The following PIBF1 variants were observed in gnomAD, a reference collection of about 807,000 sequenced individuals.
PIBF1 encodes progesterone immunomodulatory binding factor 1, also known as progesterone-induced-blocking factor 1.
A neutral mutation model predicts 112.5 loss-of-function variants in PIBF1; 90 were observed. The observed-to-expected ratio is 0.80, with a 90% CI of 0.67 to 0.95. PIBF1 has a LOEUF of 0.95. PIBF1 is among the 40% of genes least tolerant of loss of function. The pLI is 0.00. For missense variants in PIBF1, 915 were observed against 852.3 expected (o/e 1.07, Z -0.92); for synonymous variants, 301 against 288.6 (o/e 1.04, Z -0.44).
intron 13 of PIBF1, 106 bp from the exon 14 acceptor site, chr13:72,931,059 A>T: frequency 1.5e-6 from 1 of 665,570 alleles, no homozygotes; most frequent in Non-Finnish European, 2.6e-6. Context: ...TTAATATTTA[A>T]GTATAATTAG....
chr13:72,908,676 C>A lies in PIBF1; in HGVS notation c.1634C>A (p.Ala545Glu). Reference sequence around the variant, plus strand: ...CTTGATGAAATAATAATGCAAACTGCAGAAAGTAAGTCTTCCCCCACACAC... The same window carrying A: ...CTTGATGAAATAATAATGCAAACTGAAGAAAGTAAGTCTTCCCCCACACAC... The part of the protein sequence containing the change: ...KELDEIIMQT[A>E]EIENEDEAER... The change falls in exon 12 of 18, where the codon GCA (alanine) becomes GAA (glutamate). Residue 545 changes from alanine to glutamate, a missense_variant. By Grantham distance (107) the Ala-to-Glu change is moderately radical. Coordinates refer to ENST00000326291, the MANE Select transcript of PIBF1 (RefSeq NM_006346.4). 1.2e-6 allele frequency: 2 copies of A among 1,608,870 alleles called. No homozygotes were observed. The highest frequency in any genetic ancestry group is 1.7e-6 in the Non-Finnish European group (2 of 1,178,014).
chr13:72,849,825 C>T (rs967395229), intron 9 of PIBF1, among the ~76,000 whole-genome samples: 5 of 152,156 alleles, frequency 3.3e-5, no homozygotes, highest in African/African-American at 7.2e-5. Context: ...TCCTGTGTGA[C>T]TTTAAGCTAA....
intron 11 of PIBF1, among the ~76,000 whole-genome samples, chr13:72,899,901 G>A (rs1447023133): frequency 6.6e-6 from 1 of 152,124 alleles, no homozygotes; most frequent in Admixed American, 6.6e-5. Context: ...AAACAATTCA[G>A]CAAAGTTTCC....
chr13:72,995,389 A>G (rs1053846273), intron 16 of PIBF1, among the ~76,000 whole-genome samples: 2 of 152,192 alleles, frequency 1.3e-5, no homozygotes, highest in South Asian at 2.1e-4. Context: ...AGAAAAATAC[A>G]TCATTCATTA....
intron 13 of PIBF1, among the ~76,000 whole-genome samples, chr13:72,919,858 AC>A (rs1594197537): frequency 6.6e-6 from 1 of 152,078 alleles, no homozygotes; most frequent in Non-Finnish European, 1.5e-5. Context: ...AGTCCCAGCT[AC>A]CCTGCTCAGG....
chr13:72,959,375 G>A (rs1000359901), intron 14 of PIBF1, among the ~76,000 whole-genome samples: 3 of 152,068 alleles, frequency 2.0e-5, no homozygotes, highest in Middle Eastern at 3.4e-3. Flanking sequence ...CCCCCCTATC[G>A]GACCTCAAGC....
At chr13:72,864,664 G>C (rs2038849175) in intron 10 of PIBF1, among the ~76,000 whole-genome samples, 1 of 152,054 alleles carries the variant, frequency 6.6e-6, no homozygotes, top group African/African-American at 2.4e-5. Context: ...TCCAAAAAAA[G>C]ACGTATGAAA....
chr13:72,985,952 A>G (rs1216170199), intron 16 of PIBF1, among the ~76,000 whole-genome samples: 1 of 152,044 alleles, frequency 6.6e-6, no homozygotes, highest in Non-Finnish European at 1.5e-5. Flanking sequence ...GGAGTTGTGT[A>G]CTAGCCTGGT....
chr13:72,980,122 C>T (rs1410992017), intron 16 of PIBF1, among the ~76,000 whole-genome samples: 2 of 151,936 alleles, frequency 1.3e-5, no homozygotes, highest in African/African-American at 4.8e-5. Context: ...GATATATACA[C>T]TAGAGAGTTG....
chr13:72,925,627 C>T (rs1335609511), intron 13 of PIBF1, among the ~76,000 whole-genome samples: 2 of 148,036 alleles, frequency 1.4e-5, no homozygotes, highest in Non-Finnish European at 3.0e-5. Context: ...CTGCAAGCTC[C>T]GCCTCCCGGG....
chr13:72,844,509 C>A (rs796950273), intron 9 of PIBF1, among the ~76,000 whole-genome samples: 24 of 151,902 alleles, frequency 1.6e-4, no homozygotes, highest in African/African-American at 5.8e-4. Flanking sequence ...CCCAACAGGC[C>A]CCAGTGTATG....
At chr13:72,929,294 C>T (rs2041630827) in intron 13 of PIBF1, among the ~76,000 whole-genome samples, 2 of 152,122 alleles carry the variant, frequency 1.3e-5, no homozygotes, top group African/African-American at 2.4e-5. Flanking sequence ...GCAAAATTCA[C>T]ATTAAGGCTT....
chr13:72,802,404 G>A (rs2138007546), intron 5 of PIBF1, among the ~76,000 whole-genome samples: 1 of 152,278 alleles, frequency 6.6e-6, no homozygotes, highest in South Asian at 2.1e-4. Flanking sequence ...CTTGTTAAGA[G>A]GCTGTTGTAA....
At chr13:72,883,973 AAG>A (rs2039746161) in intron 10 of PIBF1, among the ~76,000 whole-genome samples, 2 of 152,106 alleles carry the variant, frequency 1.3e-5, no homozygotes, top group Non-Finnish European at 1.5e-5. Flanking sequence ...AAATAACTAA[AAG>A]AGTATAATTG....
chr13:72,880,825 A>G (rs2039596631), intron 10 of PIBF1, among the ~76,000 whole-genome samples: 2 of 152,166 alleles, frequency 1.3e-5, no homozygotes, highest in Non-Finnish European at 2.9e-5. Flanking sequence ...TTCAGGGGAT[A>G]TATGTGCAGA....
At chr13:72,796,282 T>C (rs2035190791) in intron 4 of PIBF1, among the ~76,000 whole-genome samples, 1 of 152,108 alleles carries the variant, frequency 6.6e-6, no homozygotes. Context: ...AGGAAAGTCG[T>C]TTTGATCTTG....
chr13:72,877,514 C>T (rs1400735811), intron 10 of PIBF1, among the ~76,000 whole-genome samples: 1 of 152,084 alleles, frequency 6.6e-6, no homozygotes, highest in Non-Finnish European at 1.5e-5. Context: ...CTGGGCCTGT[C>T]CTTCTGCTTT....
intron 14 of PIBF1, among the ~76,000 whole-genome samples, chr13:72,935,735 T>G (rs969845683): frequency 2.6e-5 from 4 of 152,206 alleles, no homozygotes. Context: ...ATAATGGGTG[T>G]GTAGTGGCAT....
At chr13:72,836,208 T>A in intron 9 of PIBF1, 2 of 394,186 alleles carry the variant, frequency 5.1e-6, no homozygotes, top group South Asian at 3.8e-5. Flanking sequence ...GGAAAATAAA[T>A]ACTATTTATT....
Sources: allele counts gnomAD v4.1 joint callset (sites outside exome capture counted in the v4.1 genomes callset), GRCh38; gene constraint gnomAD v4.1.1; transcripts MANE v1.5; gene names NCBI Gene and HGNC (gene_info 2026-07-23, HGNC 2026-07-21).